Variants in PCCA observed in about 807,000 individuals in gnomAD.
The protein encoded by PCCA is propionyl-CoA carboxylase subunit alpha.
PCCA carries 74 observed loss-of-function variants against 101.3 expected under a neutral mutation model. The ratio of observed to expected loss-of-function variants is 0.73; its 90% CI spans 0.61 to 0.89. PCCA has a LOEUF of 0.89. Among genes scored for constraint, PCCA ranks in the 40% least tolerant of loss-of-function variants. The probability of loss-of-function intolerance (pLI) is 0.00; values close to 1 mark genes in which losing one functional copy is unlikely to be tolerated. For missense variants in PCCA, 891 were observed against 907.0 expected, an observed-to-expected ratio of 0.98 and a Z score of 0.23; for synonymous variants, 294 against 313.6, an observed-to-expected ratio of 0.94 and a Z score of 0.66.
chr13:100,222,251 A>G (rs2059866180), intron 7 of PCCA, among the ~76,000 whole-genome samples: 1 of 151,638 alleles, frequency 6.6e-6, no homozygotes, highest in Non-Finnish European at 1.5e-5. Flanking sequence ...TAATTTTTGT[A>G]TTTTTAGTAG....
intron 7 of PCCA, among the ~76,000 whole-genome samples, chr13:100,225,904 G>A (rs1476544427): frequency 6.6e-6 from 1 of 152,018 alleles, no homozygotes. Flanking sequence ...TGATTCTTGT[G>A]CCTCAGCCTC....
intron 18 of PCCA, among the ~76,000 whole-genome samples, chr13:100,353,129 A>G (rs2073484480): frequency 6.6e-6 from 1 of 152,238 alleles, no homozygotes; most frequent in South Asian, 2.1e-4. Context: ...TAATAACACA[A>G]TTCCCAAATA....
chr13:100,499,724 C>T (rs762940216), intron 21 of PCCA, among the ~76,000 whole-genome samples: 4 of 152,248 alleles, frequency 2.6e-5, no homozygotes, highest in South Asian at 2.1e-4. Context: ...ATAAGACCTA[C>T]GCCTCAGTGA....
At chr13:100,249,561 G>A (rs575209486) in intron 8 of PCCA, among the ~76,000 whole-genome samples, 8 of 152,224 alleles carry the variant, frequency 5.3e-5, no homozygotes, top group Middle Eastern at 3.4e-3. Context: ...CCTATTCTGG[G>A]TCTTTTCCTT....
At chr13:100,226,775 G>A (rs2485548) in intron 7 of PCCA, among the ~76,000 whole-genome samples, 21,581 of 152,084 alleles carry the variant, frequency 0.14, 1,681 homozygotes, top group Middle Eastern at 0.22. Flanking sequence ...GTGGCGGGCT[G>A]CCCATTTTCT....
intron 21 of PCCA, among the ~76,000 whole-genome samples, chr13:100,511,889 G>A (rs765527800): frequency 1.4e-4 from 21 of 152,210 alleles, no homozygotes; most frequent in Non-Finnish European, 2.5e-4. Context: ...TGCATGTACT[G>A]TACAAATACA....
intron 6 of PCCA, among the ~76,000 whole-genome samples, chr13:100,180,013 T>TTG (rs1308453040): frequency 6.6e-6 from 1 of 151,178 alleles, no homozygotes; most frequent in East Asian, 1.9e-4. Context: ...CAAGATGAGG[T>TTG]TGAAAGGGTA....
intron 4 of PCCA, among the ~76,000 whole-genome samples, chr13:100,121,103 C>T (rs2049322911): frequency 1.4e-5 from 2 of 147,372 alleles, no homozygotes; most frequent in Non-Finnish European, 3.0e-5. Context: ...TTCCTGTAAA[C>T]TTGCTGAACT....
intron 6 of PCCA, among the ~76,000 whole-genome samples, chr13:100,202,450 A>T (rs1386576904): frequency 6.7e-6 from 1 of 148,724 alleles, no homozygotes; most frequent in Admixed American, 6.7e-5. Context: ...TCTGATGATT[A>T]TTTAAATTTC....
At position 100,260,404 on chromosome 13, in the gene PCCA, T is replaced by TGG. The variant is rs1206106826; in HGVS notation, c.717-2325_717-2324insGG. 3.0e-5 allele frequency among the ~76,000 whole-genome samples: 4 copies of TGG among 131,234 alleles called. No homozygotes were observed. The Admixed American group carries it at 3.1e-4, about 10-fold the overall frequency. The allele number at this position is 131,234 out of a possible 152,430, so 86.1% of individuals were successfully genotyped here. On this transcript the variant is annotated intron_variant, in intron 9 of 23. Transcript: ENST00000376285. ...TTGTGTGTGTGTGTGTGTGTTTTTT[T>TGG]TTTTTTTTTTGAGATGGAGTCTCGC... is the stretch of plus-strand genomic sequence containing the variant.
At chr13:100,308,277 A>G (rs959542925) in intron 15 of PCCA, among the ~76,000 whole-genome samples, 1 of 152,140 alleles carries the variant, frequency 6.6e-6, no homozygotes, top group Non-Finnish European at 1.5e-5. Context: ...TTTTAATGTT[A>G]TAGTTGCAGT....
intron 20 of PCCA, among the ~76,000 whole-genome samples, chr13:100,432,269 G>T (rs991108039): frequency 6.6e-6 from 1 of 152,038 alleles, no homozygotes; most frequent in African/African-American, 2.4e-5. Context: ...TTCCAACCCC[G>T]AAATTCTTTA....
intron 21 of PCCA, among the ~76,000 whole-genome samples, chr13:100,468,883 G>A (rs2082740181): frequency 6.6e-6 from 1 of 151,914 alleles, no homozygotes; most frequent in Non-Finnish European, 1.5e-5. Context: ...AAATTGAGCT[G>A]CAACAATAGA....
At chr13:100,483,357 G>GCCATGTGT (rs2084106741) in intron 21 of PCCA, among the ~76,000 whole-genome samples, 1 of 152,094 alleles carries the variant, frequency 6.6e-6, no homozygotes, top group Non-Finnish European at 1.5e-5. Context: ...AACAGACCCA[G>GCCATGTGT]CCATGTGTCC....
chr13:100,476,481 T>G (rs908329082), intron 21 of PCCA, among the ~76,000 whole-genome samples: 1 of 152,188 alleles, frequency 6.6e-6, no homozygotes, highest in South Asian at 2.1e-4. Flanking sequence ...GCAAAACATA[T>G]TAAGTATCTT....
At chr13:100,369,934 A>C (rs1330086374) in intron 19 of PCCA, among the ~76,000 whole-genome samples, 1 of 152,060 alleles carries the variant, frequency 6.6e-6, no homozygotes, top group East Asian at 1.9e-4. Context: ...AAAAATGTAG[A>C]GTTTAGCATA....
intron 4 of PCCA, chr13:100,150,644 A>G: frequency 7.7e-7 from 1 of 1,304,400 alleles, no homozygotes; most frequent in South Asian, 1.2e-5. Flanking sequence ...TGATTTGGTG[A>G]TCCATTAGGT....
intron 7 of PCCA, among the ~76,000 whole-genome samples, chr13:100,229,617 G>A (rs2060348491): frequency 6.6e-6 from 1 of 152,120 alleles, no homozygotes; most frequent in South Asian, 2.1e-4. Flanking sequence ...GTTCTCCTCT[G>A]CCGTTGCCTC....
At chr13:100,362,548 T>A (rs558286910) in intron 18 of PCCA, among the ~76,000 whole-genome samples, 5 of 152,286 alleles carry the variant, frequency 3.3e-5, no homozygotes, top group African/African-American at 1.2e-4. Flanking sequence ...AGGTCTGCAC[T>A]TGGTCAGTGA....
Sources: gnomAD v4.1 joint callset for allele counts (sites outside exome capture counted in the v4.1 genomes callset) on GRCh38, gnomAD v4.1.1 for gene constraint, MANE v1.5 for transcripts, NCBI Gene and HGNC (gene_info 2026-07-23, HGNC 2026-07-21) for gene names.